PTPN9: variants seen among roughly 807,000 people sequenced by gnomAD.
PTPN9 encodes the protein tyrosine-protein phosphatase non-receptor type 9.
A neutral mutation model predicts 69.8 loss-of-function variants in PTPN9; 26 were observed. That is an observed-to-expected ratio of 0.37 (90% CI 0.27 to 0.52). PTPN9 has a LOEUF of 0.52. PTPN9 is among the 20% of genes least tolerant of loss of function. The pLI, the probability that PTPN9 is intolerant of heterozygous loss-of-function variation, is 0.91. For synonymous variants in PTPN9, 274 were observed against 272.5 expected (o/e 1.01, Z -0.05); for missense variants, 549 against 740.3 (o/e 0.74, Z 3.00).
In PTPN9 at chr15:75,578,893, G is replaced by T; in HGVS notation, c.-117C>A. ...GCAGCCCGGGGCCGGCTCGCGCATA[G>T]TGTGGCCGGCAGGGCCCGGCGCCTG... On this transcript the variant is annotated 5_prime_UTR_variant, in exon 1 of 13. Coordinates refer to ENST00000618819, the MANE Select transcript of PTPN9 (RefSeq NM_002833.4). 2 of 669,810 alleles carry T rather than the reference G, an allele frequency of 3.0e-6. No individual in the cohort carries two copies. Among genetic ancestry groups the T allele is most frequent in the Non-Finnish European group, 4.0e-6 (2 of 495,334 alleles). 41.5% of individuals were successfully genotyped at this position (669,810 alleles called of 1,614,324 possible). A position where few individuals can be genotyped will look rare whatever the true frequency, so the allele number is the denominator to read the frequency against.
At chr15:75,480,159 A>G (rs2141291759) in intron 8 of PTPN9, among the ~76,000 whole-genome samples, 1 of 152,294 alleles carries the variant, frequency 6.6e-6, no homozygotes, top group Non-Finnish European at 1.5e-5. Context: ...AAAATGTATC[A>G]CAGACCAAAT....
At chr15:75,509,912 A>G (rs1326030564) in intron 5 of PTPN9, among the ~76,000 whole-genome samples, 1 of 152,220 alleles carries the variant, frequency 6.6e-6, no homozygotes, top group Non-Finnish European at 1.5e-5. Context: ...TGAACCCAGG[A>G]AGTGGAGGTT....
chr15:75,505,326 G>A (rs985957360), intron 7 of PTPN9, among the ~76,000 whole-genome samples: 1 of 149,460 alleles, frequency 6.7e-6, no homozygotes, highest in African/African-American at 2.5e-5. Context: ...ACTGCGGAAG[G>A]CCGCAGGGTC....
At chr15:75,494,495 G>A (rs1323012433) in intron 7 of PTPN9, among the ~76,000 whole-genome samples, 1 of 151,494 alleles carries the variant, frequency 6.6e-6, no homozygotes, top group African/African-American at 2.4e-5. Context: ...TGGGATTACA[G>A]GAGCCTGCCA....
intron 1 of PTPN9, among the ~76,000 whole-genome samples, chr15:75,567,868 C>T (rs1282603761): frequency 1.3e-5 from 2 of 149,548 alleles, no homozygotes; most frequent in Non-Finnish European, 3.0e-5. Context: ...TGGTGGCAGG[C>T]GCCTGTAGTC....
rs796245073 is a variant in PTPN9, at chr15:75,466,751, G to C, written c.*2018C>G. The C allele has an allele frequency of 2.0e-5, 3 of 152,328 alleles. No homozygotes were observed. The highest frequency in any genetic ancestry group is 4.8e-5 in the African/African-American group (2 of 41,570). The allele number at this position is 152,328 out of a possible 1,614,324, so 9.4% of individuals were successfully genotyped here. A position where few individuals can be genotyped will look rare whatever the true frequency, so the allele number is the denominator to read the frequency against. ...AGGCTTTGTAAGCAGACCAACTTGA[G>C]CTCGTTTTAGAGCAAATCACTGTAA... On this transcript the variant is annotated 3_prime_UTR_variant, in exon 13 of 13. Transcript: ENST00000618819.
chr15:75,517,373 C>A lies in PTPN9; in HGVS notation c.423-9G>T. 6.2e-7 allele frequency: 1 copy of A among 1,604,530 alleles called. No homozygotes were observed. The highest frequency in any genetic ancestry group is 1.1e-5 in the South Asian group (1 of 90,084). On this transcript the variant is annotated splice_polypyrimidine_tract_variant and intron_variant, in intron 4 of 12. Transcript: ENST00000618819. ...TCCTCTGAGTTTCAAAGCTGTAAAT[C>A]AACCATTGAACAAAAACATTTGTAA...
intron 1 of PTPN9, among the ~76,000 whole-genome samples, chr15:75,562,295 CTT>C (rs2075107349): frequency 6.6e-6 from 1 of 152,182 alleles, no homozygotes; most frequent in African/African-American, 2.4e-5. Context: ...ACAGTGACAT[CTT>C]GGAACAATAA....
intron 4 of PTPN9, among the ~76,000 whole-genome samples, chr15:75,521,882 C>T (rs2074906683): frequency 1.3e-5 from 2 of 152,136 alleles, no homozygotes; most frequent in Admixed American, 1.3e-4. Flanking sequence ...GTTTCCTGCC[C>T]TCAAGAAGCG....
chr15:75,571,685 A>C (rs2075149182), intron 1 of PTPN9, among the ~76,000 whole-genome samples: 1 of 151,832 alleles, frequency 6.6e-6, no homozygotes, highest in East Asian at 1.9e-4. Flanking sequence ...TCACGAGGTC[A>C]GGATATAGAG....
chr15:75,570,994 T>C (rs1042198428), intron 1 of PTPN9, among the ~76,000 whole-genome samples: 2 of 152,254 alleles, frequency 1.3e-5, no homozygotes, highest in East Asian at 1.9e-4. Flanking sequence ...GCACGGTAGC[T>C]CATGCCTGTA....
At chr15:75,524,134 AAAC>A (rs1366823429) in intron 3 of PTPN9, 72 bp downstream of exon 3, 21 of 729,664 alleles carry the variant, frequency 2.9e-5, no homozygotes, top group Middle Eastern at 4.0e-4. Context: ...AAAAAAAAAA[AAAC>A]AAAGTCCAAA....
intron 1 of PTPN9, among the ~76,000 whole-genome samples, chr15:75,562,001 C>T (rs758539054): frequency 8.5e-5 from 13 of 152,114 alleles, no homozygotes; most frequent in Non-Finnish European, 1.2e-4. Flanking sequence ...AGCCACCGCA[C>T]CCAGCTAATT....
intron 8 of PTPN9, chr15:75,480,512 G>C (rs984479310): frequency 6.5e-5 from 19 of 291,522 alleles, no homozygotes; most frequent in African/African-American, 4.3e-4. Flanking sequence ...CAGAAGGCTC[G>C]AAGGCGCCGC....
At chr15:75,497,774 C>G (rs1391776760) in intron 7 of PTPN9, among the ~76,000 whole-genome samples, 1 of 148,956 alleles carries the variant, frequency 6.7e-6, no homozygotes, top group African/African-American at 2.5e-5. Flanking sequence ...TGCACTCCAG[C>G]CTGGGCAACA....
At chr15:75,543,993 A>G (rs1298188191) in intron 1 of PTPN9, among the ~76,000 whole-genome samples, 10 of 152,196 alleles carry the variant, frequency 6.6e-5, no homozygotes, top group Admixed American at 6.5e-5. Context: ...TGCTGGAGGC[A>G]TTTGCCAATA....
At chr15:75,486,373 G>A (rs1462789006) in intron 8 of PTPN9, among the ~76,000 whole-genome samples, 2 of 152,128 alleles carry the variant, frequency 1.3e-5, no homozygotes, top group African/African-American at 4.8e-5. Context: ...AGACAGAAGA[G>A]TTCTGAAGTG....
chr15:75,504,160 C>G (rs1261552802), intron 7 of PTPN9, among the ~76,000 whole-genome samples: 19 of 115,318 alleles, frequency 1.6e-4, no homozygotes, highest in East Asian at 2.9e-4. Flanking sequence ...ACAGCCGCCC[C>G]GTCCGGGAGG....
At chr15:75,578,584 C>T in intron 1 of PTPN9, 130 bp downstream of exon 1, 1 of 769,996 alleles carries the variant, frequency 1.3e-6, no homozygotes, top group Non-Finnish European at 1.7e-6. Flanking sequence ...TGAGGGAGGC[C>T]CGCGAGCCGG....
Sources: gnomAD v4.1 joint callset for allele counts (sites outside exome capture counted in the v4.1 genomes callset) on GRCh38, gnomAD v4.1.1 for gene constraint, MANE v1.5 for transcripts, NCBI Gene and HGNC (gene_info 2026-07-23, HGNC 2026-07-21) for gene names.